The following SAMD5 variants were observed in gnomAD, a reference collection of about 807,000 sequenced individuals.
SAMD5 encodes the protein sterile alpha motif domain-containing protein 5.
SAMD5 carries 13 observed loss-of-function variants against 11.3 expected under a neutral mutation model. That is an observed-to-expected ratio of 1.15 (90% CI 0.75 to 1.83). The LOEUF (loss-of-function observed/expected upper bound fraction) is 1.83, where lower values mean the gene tolerates loss of function less well. SAMD5 is among the 40% of genes most tolerant of loss of function. SAMD5 has a pLI of 0.00. For synonymous variants in SAMD5, 129 were observed against 111.3 expected, an observed-to-expected ratio of 1.16 and a Z score of -1.00; for missense variants, 255 against 239.1, an observed-to-expected ratio of 1.07 and a Z score of -0.44.
chr6:147,793,050 A>G, the SAMD5 span, among the ~76,000 whole-genome samples: 1 of 152,188 alleles, frequency 6.6e-6, no homozygotes, highest in Non-Finnish European at 1.5e-5. Context: ...GACTGCATGT[A>G]GTGACTTCCT....
chr6:147,794,900 AC>A, the SAMD5 span, among the ~76,000 whole-genome samples: 177 of 152,058 alleles, frequency 1.2e-3, 2 homozygotes, highest in South Asian at 0.021. Flanking sequence ...GGGAAGATGA[AC>A]AGTTAGAGAT....
chr6:147,612,969 CG>C (rs1163017967), intron 1 of SAMD5, among the ~76,000 whole-genome samples: 1 of 151,928 alleles, frequency 6.6e-6, no homozygotes, highest in Non-Finnish European at 1.5e-5. Flanking sequence ...GAGGCCTAGG[CG>C]GGTAGATCAG....
chr6:147,788,273 A>G, the SAMD5 span, among the ~76,000 whole-genome samples: 1 of 152,232 alleles, frequency 6.6e-6, no homozygotes, highest in African/African-American at 2.4e-5. Flanking sequence ...TACCTACATT[A>G]TTTTGAAAGC....
At chr6:147,596,569 T>A (rs2128447696) in intron 1 of SAMD5, among the ~76,000 whole-genome samples, 2 of 152,314 alleles carry the variant, frequency 1.3e-5, no homozygotes, top group East Asian at 3.9e-4. Context: ...GTCATGTTAA[T>A]AATTCAATTT....
chr6:147,709,402 A>G (rs1447011172), intron 1 of SAMD5, among the ~76,000 whole-genome samples: 1 of 152,118 alleles, frequency 6.6e-6, no homozygotes, highest in Non-Finnish European at 1.5e-5. Context: ...TAGGTGGGGG[A>G]GTTTTATTTT....
rs1462596604 is a variant in SAMD5 at position 147,567,809 on chromosome 6, C to CTGTAGCCT, written c.*3354_*3355insGTAGCCTT. 1.0e-6 allele frequency: 1 copy of CTGTAGCCT among 985,070 alleles called. No individual in the cohort carries two copies. Among genetic ancestry groups the CTGTAGCCT allele is most frequent in the Admixed American group, 6.1e-5 (1 of 16,262 alleles). The allele number at this position is 985,070 out of a possible 1,614,324, so 61.0% of individuals were successfully genotyped here. On this transcript the variant is annotated 3_prime_UTR_variant, in exon 2 of 2. Transcript: ENST00000367474. Reference sequence around the variant, plus strand: ...TTTCTCTCAGGAAGGATAAAAAAGGCTACAGTACCTGCTCATAGGAGTTCA... The same window carrying CTGTAGCCT: ...TTTCTCTCAGGAAGGATAAAAAAGGCTGTAGCCTTACAGTACCTGCTCATAGGAGTTCA...
At chr6:147,704,944 C>T (rs139384705) in intron 1 of SAMD5, among the ~76,000 whole-genome samples, 6 of 152,218 alleles carry the variant, frequency 3.9e-5, no homozygotes, top group Admixed American at 1.3e-4. Flanking sequence ...TGGTATGAAA[C>T]GCCACATTTT....
chr6:147,813,981 TTACTC>T, the SAMD5 span, among the ~76,000 whole-genome samples: 2 of 152,228 alleles, frequency 1.3e-5, no homozygotes, highest in Non-Finnish European at 2.9e-5. Flanking sequence ...GAAGTTGTGT[TTACTC>T]TATTCTTTGC....
intron 1 of SAMD5, among the ~76,000 whole-genome samples, chr6:147,689,583 G>A (rs1245160960): frequency 1.3e-5 from 2 of 152,132 alleles, no homozygotes; most frequent in African/African-American, 2.4e-5. Context: ...GACTAAAGGG[G>A]CATTTTTTTC....
At chr6:147,896,044 C>T in the SAMD5 span, among the ~76,000 whole-genome samples, 9,006 of 152,234 alleles carry the variant, frequency 0.059, 327 homozygotes, top group African/African-American at 0.089. Context: ...TATCTTCAAA[C>T]ATTTTATTCA....
chr6:147,800,965 C>A, the SAMD5 span, among the ~76,000 whole-genome samples: 1 of 151,810 alleles, frequency 6.6e-6, no homozygotes, highest in African/African-American at 2.4e-5. Context: ...ATACCTATAA[C>A]CTATTTTTAT....
chr6:147,635,401 A>G (rs1045239403), intron 1 of SAMD5, among the ~76,000 whole-genome samples: 4 of 152,182 alleles, frequency 2.6e-5, no homozygotes, highest in African/African-American at 9.7e-5. Context: ...TAATATCACC[A>G]GTTTTACATA....
At chr6:147,723,992 G>C (rs189792916) in intron 1 of SAMD5, among the ~76,000 whole-genome samples, 161 of 152,294 alleles carry the variant, frequency 1.1e-3, no homozygotes, top group African/African-American at 2.7e-3. Flanking sequence ...GGATATAGGA[G>C]ATACTTCTTC....
chr6:147,876,899 G>T, the SAMD5 span, among the ~76,000 whole-genome samples: 1 of 152,116 alleles, frequency 6.6e-6, no homozygotes, highest in Non-Finnish European at 1.5e-5. Context: ...AAGGATTGTT[G>T]TATTAAAATC....
At chr6:147,712,808 TAA>T (rs577741223) in intron 1 of SAMD5, among the ~76,000 whole-genome samples, 4 of 123,812 alleles carry the variant, frequency 3.2e-5, no homozygotes, top group Non-Finnish European at 3.3e-5. Context: ...TCTGGAACTA[TAA>T]AAAAAAAAAA....
the SAMD5 span, among the ~76,000 whole-genome samples, chr6:147,895,352 A>C: frequency 6.6e-6 from 1 of 152,158 alleles, no homozygotes; most frequent in Non-Finnish European, 1.5e-5. Context: ...TAGACCTTTA[A>C]CTGGAATATA....
At chr6:147,764,330 C>G in the SAMD5 span, among the ~76,000 whole-genome samples, 1 of 152,118 alleles carries the variant, frequency 6.6e-6, no homozygotes, top group Non-Finnish European at 1.5e-5. Flanking sequence ...CATACCACAT[C>G]TAGTAGCATT....
the SAMD5 span, among the ~76,000 whole-genome samples, chr6:147,846,703 C>T: frequency 2.0e-5 from 3 of 152,118 alleles, no homozygotes; most frequent in African/African-American, 7.2e-5. Context: ...GCCTGTTATC[C>T]CAGCTATTCG....
chr6:147,678,400 A>G (rs1790894832), intron 1 of SAMD5, among the ~76,000 whole-genome samples: 1 of 152,262 alleles, frequency 6.6e-6, no homozygotes, highest in South Asian at 2.1e-4. Context: ...ACTATAAAAC[A>G]GCTGAATGCT....
Sources: gnomAD v4.1 joint callset for allele counts (sites outside exome capture counted in the v4.1 genomes callset) on GRCh38, gnomAD v4.1.1 for gene constraint, MANE v1.5 for transcripts, NCBI Gene and HGNC (gene_info 2026-07-23, HGNC 2026-07-21) for gene names.